Variants in GALNT17 observed in about 807,000 individuals in gnomAD.
GALNT17 encodes the protein polypeptide N-acetylgalactosaminyltransferase 17.
In GALNT17, 29 loss-of-function variants were observed where a neutral mutation model predicts 63.7. That is an observed-to-expected ratio of 0.46 (90% CI 0.34 to 0.62). The LOEUF is 0.62. GALNT17 is among the 20% of genes least tolerant of loss of function. The pLI is 0.01. For synonymous variants in GALNT17, 305 were observed against 318.3 expected (o/e 0.96, Z 0.45); for missense variants, 603 against 799.6 (o/e 0.75, Z 2.97).
intron 1 of GALNT17, 61 bp from the exon 2 acceptor site, chr7:71,335,489 T>G: frequency 7.0e-7 from 1 of 1,431,402 alleles, no homozygotes; most frequent in Non-Finnish European, 9.3e-7. Flanking sequence ...CAGCGGAGAT[T>G]GAGTAATACA....
At position 71,489,050 on chromosome 7, in the gene GALNT17, C is replaced by T. The variant is rs7809606; in HGVS notation, c.962+67945C>T. ...CTGGGACTACAGGCGAGCACCACCA[C>T]ACCTCGCAAATTTTTGTATTTTTAG... On this transcript the variant is annotated intron_variant, in intron 5 of 10. Coordinates refer to ENST00000333538, the MANE Select transcript of GALNT17 (RefSeq NM_022479.3). Among the ~76,000 whole-genome samples the T allele has an allele frequency of 3.8e-3, 578 of 151,404 alleles. 4 individuals are homozygous for T. Among genetic ancestry groups the T allele is most frequent in the African/African-American group, 0.013 (524 of 41,204 alleles).
chr7:71,511,467 A>G (rs915891435), intron 5 of GALNT17, among the ~76,000 whole-genome samples: 2 of 152,102 alleles, frequency 1.3e-5, no homozygotes, highest in East Asian at 3.9e-4. Context: ...GCACAGCCTG[A>G]TCTGATTTCC....
chr7:71,197,963 C>G (rs559788447), intron 1 of GALNT17, among the ~76,000 whole-genome samples: 3 of 151,782 alleles, frequency 2.0e-5, no homozygotes, highest in Non-Finnish European at 2.9e-5. Flanking sequence ...TTTGGGAGGC[C>G]GAGGTGGGCG....
chr7:71,488,875 C>T (rs1372069856), intron 5 of GALNT17, among the ~76,000 whole-genome samples: 1 of 147,204 alleles, frequency 6.8e-6, no homozygotes, highest in Non-Finnish European at 1.5e-5. Flanking sequence ...AGCCACCGCG[C>T]CCAGCCAGGT....
intron 1 of GALNT17, among the ~76,000 whole-genome samples, chr7:71,288,432 T>A (rs1227219107): frequency 1.9e-4 from 29 of 152,038 alleles, no homozygotes; most frequent in Admixed American, 1.8e-3. Context: ...CCCACGGTTT[T>A]CAGGGGTTAC....
intron 1 of GALNT17, among the ~76,000 whole-genome samples, chr7:71,169,237 G>A (rs547503951): frequency 6.6e-6 from 1 of 152,062 alleles, no homozygotes; most frequent in African/African-American, 2.4e-5. Context: ...TAGCTGCCTC[G>A]ATCTCCTTGC....
intron 5 of GALNT17, among the ~76,000 whole-genome samples, chr7:71,527,717 A>C (rs1447787826): frequency 6.6e-6 from 1 of 152,238 alleles, no homozygotes; most frequent in Admixed American, 6.5e-5. Context: ...AGTTTCTAAG[A>C]AGAGACCTTT....
intron 1 of GALNT17, among the ~76,000 whole-genome samples, chr7:71,238,726 G>T (rs1190875735): frequency 6.6e-6 from 1 of 152,158 alleles, no homozygotes; most frequent in East Asian, 1.9e-4. Context: ...CAGCCTGTCT[G>T]GTGGCCCCGT....
intron 5 of GALNT17, among the ~76,000 whole-genome samples, chr7:71,438,162 G>A (rs1215875096): frequency 6.6e-6 from 1 of 152,142 alleles, no homozygotes; most frequent in Non-Finnish European, 1.5e-5. Context: ...TATGTATATG[G>A]GTTTAATAAG....
At chr7:71,202,931 T>C (rs1355901381) in intron 1 of GALNT17, among the ~76,000 whole-genome samples, 1 of 152,198 alleles carries the variant, frequency 6.6e-6, no homozygotes, top group Non-Finnish European at 1.5e-5. Flanking sequence ...TTCACGTTGT[T>C]GCAAATGACA....
At chr7:71,708,275 A>G (rs962522913) in intron 9 of GALNT17, among the ~76,000 whole-genome samples, 4 of 152,186 alleles carry the variant, frequency 2.6e-5, no homozygotes, top group African/African-American at 9.6e-5. Flanking sequence ...ATGGCTGAGG[A>G]GGCCTCGCAA....
chr7:71,650,911 A>G (rs1790744826), intron 6 of GALNT17, among the ~76,000 whole-genome samples: 1 of 152,218 alleles, frequency 6.6e-6, no homozygotes, highest in African/African-American at 2.4e-5. Context: ...ATCCATGTCT[A>G]AATTATCTTT....
At chr7:71,649,555 C>T (rs1466852012) in intron 6 of GALNT17, among the ~76,000 whole-genome samples, 1 of 143,346 alleles carries the variant, frequency 7.0e-6, no homozygotes, top group African/African-American at 2.5e-5. Context: ...TGTCCTGAGT[C>T]AGTTCCTTGG....
At chr7:71,633,103 CAAAAAAAAAAAAAA>C (rs71089970) in intron 6 of GALNT17, among the ~76,000 whole-genome samples, 3 of 72,372 alleles carry the variant, frequency 4.1e-5, no homozygotes, top group Non-Finnish European at 7.6e-5. Context: ...GACTCTGTCT[CAAAAAAAAAAAAAA>C]AAAAAAAAGA....
intron 6 of GALNT17, among the ~76,000 whole-genome samples, chr7:71,616,902 A>ATATGAATCATAT: frequency 6.9e-6 from 1 of 145,006 alleles, no homozygotes; most frequent in South Asian, 2.1e-4. Flanking sequence ...TATAATTCTT[A>ATATGAATCATAT]TAAGAATCAT....
chr7:71,245,330 A>T (rs901524024), intron 1 of GALNT17, among the ~76,000 whole-genome samples: 1 of 152,134 alleles, frequency 6.6e-6, no homozygotes, highest in Non-Finnish European at 1.5e-5. Flanking sequence ...TTAAAAAACC[A>T]TCCTAATTTT....
At chr7:71,563,505 A>G (rs1416436861) in intron 5 of GALNT17, among the ~76,000 whole-genome samples, 1 of 152,206 alleles carries the variant, frequency 6.6e-6, no homozygotes, top group Non-Finnish European at 1.5e-5. Context: ...CCAGGCAGGT[A>G]GCTCCAGAAT....
chr7:71,434,298 C>A (rs1786919701), intron 5 of GALNT17, among the ~76,000 whole-genome samples: 1 of 152,138 alleles, frequency 6.6e-6, no homozygotes, highest in African/African-American at 2.4e-5. Context: ...CTCTAGAGAA[C>A]CCTCACTAAT....
chr7:71,281,306 A>T (rs1464939638), intron 1 of GALNT17, among the ~76,000 whole-genome samples: 1 of 152,212 alleles, frequency 6.6e-6, no homozygotes, highest in African/African-American at 2.4e-5. Context: ...CAGGAGTTGG[A>T]GACCAACCTG....
Sources: gnomAD v4.1 joint callset for allele counts (sites outside exome capture counted in the v4.1 genomes callset) on GRCh38, gnomAD v4.1.1 for gene constraint, MANE v1.5 for transcripts, NCBI Gene and HGNC (gene_info 2026-07-23, HGNC 2026-07-21) for gene names.